FSHR: variants seen among roughly 807,000 people sequenced by gnomAD.
FSHR encodes the protein follicle stimulating hormone receptor.
FSHR carries 46 observed loss-of-function variants against 52.1 expected under a neutral mutation model. That is an observed-to-expected ratio of 0.88 (90% confidence interval 0.70 to 1.13). FSHR has a LOEUF of 1.13. Ranked by LOEUF, FSHR falls within the 50% of genes most tolerant of loss-of-function variation. The pLI, the probability that FSHR is intolerant of heterozygous loss-of-function variation, is 0.00. For synonymous variants in FSHR, 399 were observed against 309.6 expected (o/e 1.29, Z -3.03); for missense variants, 964 against 834.6 (o/e 1.16, Z -1.91).
intron 1 of FSHR, among the ~76,000 whole-genome samples, chr2:49,093,510 A>G (rs1430705260): frequency 1.3e-5 from 2 of 151,548 alleles, no homozygotes; most frequent in African/African-American, 2.4e-5. Flanking sequence ...CACTACAGCT[A>G]TCTTTTGATT....
intron 1 of FSHR, among the ~76,000 whole-genome samples, chr2:49,086,558 C>A (rs535746451): frequency 6.6e-6 from 1 of 152,162 alleles, no homozygotes; most frequent in African/African-American, 2.4e-5. Flanking sequence ...TAATCACCTG[C>A]GGAAGATTTT....
intron 2 of FSHR, among the ~76,000 whole-genome samples, chr2:49,033,371 C>A (rs72877830): frequency 0.035 from 5,277 of 152,170 alleles, 302 homozygotes; most frequent in African/African-American, 0.12. Flanking sequence ...AGAACCTGAG[C>A]ATGGATTCTA....
intron 1 of FSHR, among the ~76,000 whole-genome samples, chr2:49,111,222 G>A (rs953870371): frequency 2.0e-5 from 3 of 152,140 alleles, no homozygotes; most frequent in Non-Finnish European, 4.4e-5. Flanking sequence ...AAGGGCCATT[G>A]TATAACCAGG....
intron 1 of FSHR, among the ~76,000 whole-genome samples, chr2:49,083,567 A>G (rs1401600735): frequency 6.8e-6 from 1 of 147,516 alleles, no homozygotes; most frequent in Non-Finnish European, 1.5e-5. Context: ...ATAAAGAGTC[A>G]AGACCCATCA....
chr2:49,069,211 C>G (rs1284339190), intron 1 of FSHR, among the ~76,000 whole-genome samples: 1 of 152,102 alleles, frequency 6.6e-6, no homozygotes, highest in Admixed American at 6.6e-5. Context: ...TTGACAACTA[C>G]CCTTTGATCA....
chr2:49,112,341 C>T (rs1671452863), intron 1 of FSHR, among the ~76,000 whole-genome samples: 1 of 151,978 alleles, frequency 6.6e-6, no homozygotes, highest in South Asian at 2.1e-4. Context: ...CACAATAGAA[C>T]ACGGAAATAT....
chr2:49,112,756 AC>A (rs1671466159), intron 1 of FSHR, among the ~76,000 whole-genome samples: 1 of 152,208 alleles, frequency 6.6e-6, no homozygotes, highest in African/African-American at 2.4e-5. Context: ...AGACAGTAAG[AC>A]CATCTTGCCC....
At chr2:49,088,596 T>C (rs1428486658) in intron 1 of FSHR, among the ~76,000 whole-genome samples, 2 of 152,224 alleles carry the variant, frequency 1.3e-5, no homozygotes, top group African/African-American at 4.8e-5. Flanking sequence ...ATTGTGCCTC[T>C]AAAGCAGTTC....
chr2:49,070,817 C>A (rs559684136), intron 1 of FSHR, among the ~76,000 whole-genome samples: 2 of 152,042 alleles, frequency 1.3e-5, no homozygotes. Context: ...GACATTTTCA[C>A]GAAAAATTAC....
intron 6 of FSHR, 121 bp downstream of exon 6, chr2:48,988,856 G>A (rs563317656): frequency 2.6e-6 from 2 of 756,996 alleles, no homozygotes; most frequent in Admixed American, 2.0e-5. Context: ...GAACTGGAGA[G>A]TGATTTAAGT....
At chr2:49,037,626 C>T (rs1005477579) in intron 2 of FSHR, among the ~76,000 whole-genome samples, 46 of 151,916 alleles carry the variant, frequency 3.0e-4, no homozygotes, top group African/African-American at 9.2e-4. Context: ...TACTAATACA[C>T]GAATATAAAG....
chr2:49,051,126 C>T (rs533233831), intron 2 of FSHR, among the ~76,000 whole-genome samples: 2 of 152,008 alleles, frequency 1.3e-5, no homozygotes, highest in African/African-American at 4.8e-5. Flanking sequence ...ATTTGTTTAC[C>T]CATTGGCCTG....
At chr2:49,084,654 A>T (rs1279652297) in intron 1 of FSHR, among the ~76,000 whole-genome samples, 1 of 152,254 alleles carries the variant, frequency 6.6e-6, no homozygotes. Context: ...AAAAAATGAT[A>T]AAGGGGATAT....
intron 1 of FSHR, among the ~76,000 whole-genome samples, chr2:49,083,413 A>T (rs1441107503): frequency 6.6e-6 from 1 of 151,806 alleles, no homozygotes; most frequent in Admixed American, 6.6e-5. Context: ...AAGACCATCG[A>T]GACTAGGAAG....
Position 49,040,502 on chromosome 2 carries a change from T to G in FSHR, c.225-20342A>C, listed in dbSNP as rs1668445435. ...AACCATATGAAGGCAAGGAACTCTG[T>G]CTGTTTTGTCAAGGTTGTCTGTGGC... On this transcript the variant is annotated intron_variant, in intron 2 of 9. Coordinates refer to ENST00000406846, the MANE Select transcript of FSHR (RefSeq NM_000145.4). Among the ~76,000 whole-genome samples the G allele has an allele frequency of 1.3e-5, 2 of 152,214 alleles. 1 individual carries two copies. The highest frequency in any genetic ancestry group is 1.3e-4 in the Admixed American group (2 of 15,286).
chr2:49,012,513 G>T (rs528599168), intron 4 of FSHR, among the ~76,000 whole-genome samples: 18 of 152,204 alleles, frequency 1.2e-4, no homozygotes, highest in African/African-American at 4.1e-4. Flanking sequence ...CAAATGAGCA[G>T]CATGAGATGG....
chr2:48,982,636 T>G (rs1352488908), intron 8 of FSHR, among the ~76,000 whole-genome samples: 1 of 152,218 alleles, frequency 6.6e-6, no homozygotes, highest in African/African-American at 2.4e-5. Context: ...GGGGTGATTA[T>G]AAGGATTAAA....
rs150392535 is a variant in FSHR, at chr2:49,068,824, G to A, written c.153-534C>T. 7.9e-4 allele frequency among the ~76,000 whole-genome samples: 120 copies of A among 152,102 alleles called. 1 individual carries two copies. The highest frequency in any genetic ancestry group is 2.6e-3 in the African/African-American group (109 of 41,514). On this transcript the variant is annotated intron_variant, in intron 1 of 9. Transcript: ENST00000406846. ...TGGTACTGTGAGTGAACTCTCCAGG[G>A]TCCTAAGAATAGCTTCTCCAATATA...
rs569525208 is a variant in FSHR, at chr2:49,098,868, T to C, written c.153-30578A>G. Among the ~76,000 whole-genome samples, 642 of 146,786 alleles carry C rather than the reference T, an allele frequency of 4.4e-3. 2 individuals carry two copies. The highest frequency in any genetic ancestry group is 0.015 in the African/African-American group (590 of 40,358). ...TTATATATACTTTATATATAATATATACTTATATTATCCATATATTATACT... is the reference window on the plus strand; with the variant it reads ...TTATATATACTTTATATATAATATACACTTATATTATCCATATATTATACT... On this transcript the variant is annotated intron_variant, in intron 1 of 9. Transcript: ENST00000406846.
Sources: gnomAD v4.1 joint callset for allele counts (sites outside exome capture counted in the v4.1 genomes callset) on GRCh38, gnomAD v4.1.1 for gene constraint, MANE v1.5 for transcripts, NCBI Gene and HGNC (gene_info 2026-07-23, HGNC 2026-07-21) for gene names.